Variants in NAALADL2 observed in about 807,000 individuals in gnomAD.
NAALADL2 encodes the protein N-acetylated alpha-linked acidic dipeptidase like 2.
A neutral mutation model predicts 87.2 loss-of-function variants in NAALADL2; 76 were observed. The observed-to-expected ratio is 0.87, with a 90% CI of 0.72 to 1.05. The LOEUF (loss-of-function observed/expected upper bound fraction) is 1.05, where lower values mean the gene tolerates loss of function less well. NAALADL2 is among the 50% of genes least tolerant of loss of function. The probability of loss-of-function intolerance (pLI) is 0.00; values close to 1 mark genes in which losing one functional copy is unlikely to be tolerated. For missense variants in NAALADL2, 1,089 were observed against 945.8 expected (o/e 1.15, Z -1.99); for synonymous variants, 354 against 331.0 (o/e 1.07, Z -0.75).
chr3:175,763,950 T>G (rs2150156242), intron 13 of NAALADL2, among the ~76,000 whole-genome samples: 1 of 152,210 alleles, frequency 6.6e-6, no homozygotes, highest in East Asian at 1.9e-4. Context: ...ATTCACTCTT[T>G]CATTTGGATT....
chr3:175,254,375 C>T (rs1462192941), intron 3 of NAALADL2, among the ~76,000 whole-genome samples: 2 of 152,138 alleles, frequency 1.3e-5, no homozygotes, highest in Non-Finnish European at 2.9e-5. Context: ...CTACTGCACA[C>T]TTAATAGACT....
intron 1 of NAALADL2, among the ~76,000 whole-genome samples, chr3:174,986,600 CTTAA>C (rs1234536312): frequency 6.6e-6 from 1 of 151,934 alleles, no homozygotes; most frequent in Non-Finnish European, 1.5e-5. Flanking sequence ...GGTAGCATAT[CTTAA>C]TTAATATGGA....
chr3:174,904,108 C>T (rs1732673850), intron 1 of NAALADL2, among the ~76,000 whole-genome samples: 1 of 151,522 alleles, frequency 6.6e-6, no homozygotes, highest in South Asian at 2.1e-4. Flanking sequence ...TGTAGTTAAA[C>T]ATCTCTAATT....
At chr3:175,740,578 G>C (rs1745089750) in intron 12 of NAALADL2, among the ~76,000 whole-genome samples, 1 of 152,178 alleles carries the variant, frequency 6.6e-6, no homozygotes, top group African/African-American at 2.4e-5. Flanking sequence ...AATATCTTGA[G>C]AACAAAGGCA....
At chr3:175,168,676 G>A (rs1271901677) in intron 2 of NAALADL2, among the ~76,000 whole-genome samples, 1 of 151,432 alleles carries the variant, frequency 6.6e-6, no homozygotes, top group Non-Finnish European at 1.5e-5. Context: ...TATCTTTTTT[G>A]TTTTTATTTT....
chr3:174,532,925 C>A (rs1204355826), intron 1 of NAALADL2, among the ~76,000 whole-genome samples: 2 of 151,122 alleles, frequency 1.3e-5, no homozygotes, highest in African/African-American at 2.4e-5. Context: ...TCATAGTACC[C>A]CCCTCCTTTT....
chr3:175,547,956 G>A (rs142299690), intron 9 of NAALADL2, among the ~76,000 whole-genome samples: 28 of 152,178 alleles, frequency 1.8e-4, no homozygotes, highest in East Asian at 3.9e-4. Context: ...GTTGGTGAGC[G>A]TGTAAATCAG....
chr3:175,545,502 T>A (rs375647152), intron 9 of NAALADL2, among the ~76,000 whole-genome samples: 2 of 152,230 alleles, frequency 1.3e-5, no homozygotes, highest in East Asian at 3.9e-4. Flanking sequence ...ACAGTGTTTG[T>A]TGTGTTTGCA....
At chr3:174,627,595 A>G (rs1467645681) in intron 2 of NAALADL2, among the ~76,000 whole-genome samples, 3 of 152,232 alleles carry the variant, frequency 2.0e-5, no homozygotes, top group African/African-American at 7.2e-5. Context: ...GTTGTGTTTT[A>G]TCCAAAGGAA....
At chr3:175,589,329 A>C (rs1038277100) in intron 10 of NAALADL2, among the ~76,000 whole-genome samples, 2 of 62,238 alleles carry the variant, frequency 3.2e-5, no homozygotes, top group Non-Finnish European at 7.0e-5. Context: ...GGATAAATCA[A>C]TGTATGGATA....
At chr3:175,279,970 T>C (rs1414307481) in intron 4 of NAALADL2, among the ~76,000 whole-genome samples, 4 of 152,002 alleles carry the variant, frequency 2.6e-5, no homozygotes, top group Non-Finnish European at 5.9e-5. Flanking sequence ...GAATAGGATT[T>C]TCTCTTTTCT....
intron 1 of NAALADL2, among the ~76,000 whole-genome samples, chr3:174,446,503 A>G (rs1715060643): frequency 6.6e-6 from 1 of 152,178 alleles, no homozygotes; most frequent in African/African-American, 2.4e-5. Context: ...CCTGTTCATC[A>G]AGTACAATTA....
intron 1 of NAALADL2, among the ~76,000 whole-genome samples, chr3:174,984,985 T>C (rs565216431): frequency 6.6e-6 from 1 of 152,306 alleles, no homozygotes; most frequent in Admixed American, 6.5e-5. Context: ...TGTTAGAAAC[T>C]TGCAGAAGGT....
chr3:175,545,645 T>C (rs2149479155), intron 9 of NAALADL2, among the ~76,000 whole-genome samples: 1 of 152,282 alleles, frequency 6.6e-6, no homozygotes, highest in African/African-American at 2.4e-5. Context: ...TCATGCTGTT[T>C]AGATGCTAAC....
intron 5 of NAALADL2, among the ~76,000 whole-genome samples, chr3:175,351,012 A>G (rs1464427118): frequency 1.3e-5 from 2 of 152,206 alleles, no homozygotes; most frequent in Non-Finnish European, 2.9e-5. Flanking sequence ...AAGGAAAAAA[A>G]GTAGCTTTGA....
chr3:175,319,300 T>C (rs1759542647), intron 4 of NAALADL2, among the ~76,000 whole-genome samples: 1 of 152,224 alleles, frequency 6.6e-6, no homozygotes, highest in African/African-American at 2.4e-5. Flanking sequence ...AGGTTCTCAA[T>C]GTTAGTTTAT....
At chr3:175,571,443 T>C (rs1159585563) in intron 9 of NAALADL2, among the ~76,000 whole-genome samples, 2 of 152,222 alleles carry the variant, frequency 1.3e-5, no homozygotes, top group Non-Finnish European at 2.9e-5. Flanking sequence ...TAAAAATTAA[T>C]TGACCTGCAC....
At chr3:175,049,845 T>C (rs1755143716) in intron 1 of NAALADL2, among the ~76,000 whole-genome samples, 1 of 152,232 alleles carries the variant, frequency 6.6e-6, no homozygotes, top group Non-Finnish European at 1.5e-5. Context: ...AGGGTGTTGA[T>C]TAATCTGTAA....
intron 9 of NAALADL2, among the ~76,000 whole-genome samples, chr3:175,490,082 C>T (rs1256195093): frequency 6.6e-6 from 1 of 152,060 alleles, no homozygotes; most frequent in Non-Finnish European, 1.5e-5. Flanking sequence ...ATGATCAGTT[C>T]ATGGATGGAC....
Sources: gnomAD v4.1 joint callset for allele counts (sites outside exome capture counted in the v4.1 genomes callset) on GRCh38, gnomAD v4.1.1 for gene constraint, MANE v1.5 for transcripts, NCBI Gene and HGNC (gene_info 2026-07-23, HGNC 2026-07-21) for gene names.